Variants in RPS6KA5 observed in about 807,000 individuals in gnomAD.
RPS6KA5 encodes ribosomal protein S6 kinase A5, also known as ribosomal protein S6 kinase alpha-5.
Under a neutral mutation model 85.5 loss-of-function variants are expected in RPS6KA5, and 27 were observed. That is an observed-to-expected ratio of 0.32 (90% CI 0.23 to 0.44). RPS6KA5 has a LOEUF of 0.44. Among genes scored for constraint, RPS6KA5 ranks in the 20% least tolerant of loss-of-function variants. RPS6KA5 has a pLI of 1.00. For synonymous variants in RPS6KA5, 334 were observed against 348.2 expected, an observed-to-expected ratio of 0.96 and a Z score of 0.46; for missense variants, 811 against 980.9, an observed-to-expected ratio of 0.83 and a Z score of 2.31.
At position 90,872,239 on chromosome 14, in the gene RPS6KA5, C is replaced by T. The variant is rs764476146; in HGVS notation, c.2244G>A (p.Lys748=). 1.9e-6 allele frequency: 3 copies of T among 1,613,864 alleles called. No individual in the cohort carries two copies. The highest frequency in any genetic ancestry group is 4.5e-5 in the East Asian group (2 of 44,866). The stretch of plus-strand genomic sequence containing the variant: ...TGCGCGTCTCGGTACTGGTGCTAGT[C>T]TTTTTCATTTTTCTTCTCTTAGCCA... ...APLAKRRKMK[K]TSTSTETRSS... is the part of the protein sequence containing the mutation. The change falls in exon 17 of 17, where the codon AAG becomes AAA. Residue 748 remains lysine, a synonymous_variant. Transcript: ENST00000614987.
intron 3 of RPS6KA5, among the ~76,000 whole-genome samples, chr14:90,951,118 C>CAA (rs57389099): frequency 0.022 from 1,813 of 84,320 alleles, 80 homozygotes; most frequent in South Asian, 0.036. Flanking sequence ...GACTCAGTCT[C>CAA]AAAAAAAAAA....
intron 2 of RPS6KA5, among the ~76,000 whole-genome samples, chr14:90,997,995 G>A (rs2040603032): frequency 3.2e-5 from 4 of 123,348 alleles, no homozygotes; most frequent in South Asian, 5.5e-4. Context: ...GTGGCACAGC[G>A]AGACTCTGTC....
At chr14:90,876,940 C>T (rs2033520225) in intron 14 of RPS6KA5, among the ~76,000 whole-genome samples, 1 of 152,190 alleles carries the variant, frequency 6.6e-6, no homozygotes, top group Non-Finnish European at 1.5e-5. Context: ...TGAAACAGCT[C>T]TTACACACTG....
intron 2 of RPS6KA5, among the ~76,000 whole-genome samples, chr14:90,984,490 G>A (rs1224517425): frequency 2.0e-5 from 3 of 152,238 alleles, no homozygotes; most frequent in Admixed American, 1.3e-4. Flanking sequence ...GACATCTTAT[G>A]AAGGTCGCTT....
At position 90,857,720 on chromosome 14, in the gene RPS6KA5, CT is replaced by C. The variant is rs1262823702; in HGVS notation, c.*14353del. 2 of 152,172 alleles carry C rather than the reference CT, an allele frequency of 1.3e-5. No homozygotes were observed. Among genetic ancestry groups the C allele is most frequent in the African/African-American group, 4.8e-5 (2 of 41,446 alleles). 9.4% of individuals were successfully genotyped at this position (152,172 alleles called of 1,614,324 possible). On this transcript the variant is annotated 3_prime_UTR_variant, in exon 17 of 17. Coordinates refer to ENST00000614987, the MANE Select transcript of RPS6KA5 (RefSeq NM_004755.4). Reference sequence around the variant, plus strand: ...GTAATCATCTAAAAGATTCCAGTCTCTTTTTTCTCACTCCCAACCCCCACAC... The same window carrying C: ...GTAATCATCTAAAAGATTCCAGTCTCTTTTTCTCACTCCCAACCCCCACAC...
At chr14:90,949,156 T>C (rs927698881) in intron 3 of RPS6KA5, among the ~76,000 whole-genome samples, 1 of 152,244 alleles carries the variant, frequency 6.6e-6, no homozygotes, top group Non-Finnish European at 1.5e-5. Context: ...AATGAACTTT[T>C]TTCCTACCTT....
At chr14:90,936,342 G>A (rs2140333697) in intron 5 of RPS6KA5, among the ~76,000 whole-genome samples, 1 of 152,222 alleles carries the variant, frequency 6.6e-6, no homozygotes, top group African/African-American at 2.4e-5. Context: ...CAAGGCAGGT[G>A]GATTTTTTGA....
intron 1 of RPS6KA5, among the ~76,000 whole-genome samples, chr14:91,033,114 G>C (rs535687178): frequency 6.6e-6 from 1 of 151,476 alleles, no homozygotes; most frequent in African/African-American, 2.4e-5. Flanking sequence ...ATGAACCTGG[G>C]AGGTGGAGCT....
At chr14:91,004,010 T>A (rs896427070) in intron 1 of RPS6KA5, among the ~76,000 whole-genome samples, 14 of 152,206 alleles carry the variant, frequency 9.2e-5, no homozygotes, top group Admixed American at 6.5e-4. Context: ...AAGGTTTCAG[T>A]TTGGGGTACA....
In RPS6KA5 at chr14:90,900,226, G is replaced by A; in HGVS notation, c.1261C>T (p.Gln421Ter). The change falls in exon 11 of 17, where the codon CAA becomes TAA. Residue 421 changes from glutamine (Q) to a stop codon, truncating the protein, a stop_gained. Transcript: ENST00000614987. LOFTEE classifies it high-confidence loss of function. The stretch of plus-strand genomic sequence containing the variant: ...TCCTTCAAATCTAGGTCATAGTGTT[G>A]ATAGAATGGAGAGTCCTGTCAAGAA... ...SAMMKDSPFYQHYDLDLKDKP... is the reference protein window; with the variant it reads ...SAMMKDSPFY 1 of 1,589,640 alleles carries A rather than the reference G, an allele frequency of 6.3e-7. No individual in the cohort carries two copies. Among genetic ancestry groups the A allele is most frequent in the Non-Finnish European group, 8.6e-7 (1 of 1,167,512 alleles).
intron 3 of RPS6KA5, among the ~76,000 whole-genome samples, chr14:90,974,210 A>C (rs1380022182): frequency 6.6e-6 from 1 of 152,200 alleles, no homozygotes; most frequent in African/African-American, 2.4e-5. Context: ...GTGATATAAC[A>C]TGAAATACAT....
chr14:90,930,271 G>A (rs2036903807), intron 5 of RPS6KA5, among the ~76,000 whole-genome samples: 1 of 152,186 alleles, frequency 6.6e-6, no homozygotes, highest in South Asian at 2.1e-4. Flanking sequence ...AAGTATGCTT[G>A]GGAACTTAGT....
intron 1 of RPS6KA5, among the ~76,000 whole-genome samples, chr14:91,037,859 C>G (rs945950310): frequency 2.6e-5 from 4 of 152,194 alleles, no homozygotes; most frequent in African/African-American, 9.6e-5. Flanking sequence ...CCTGCAAGAT[C>G]CACCTCCCTA....
At chr14:90,916,934 T>C (rs766041501) in intron 7 of RPS6KA5, among the ~76,000 whole-genome samples, 1 of 152,202 alleles carries the variant, frequency 6.6e-6, no homozygotes, top group Non-Finnish European at 1.5e-5. Context: ...CTTGCCATCA[T>C]AAGAAATATA....
At chr14:91,052,039 CCTTTA>C (rs2043103844) in intron 1 of RPS6KA5, among the ~76,000 whole-genome samples, 1 of 152,042 alleles carries the variant, frequency 6.6e-6, no homozygotes, top group Admixed American at 6.6e-5. Flanking sequence ...CAGTCCATCA[CCTTTA>C]CTTTATGAAT....
At chr14:90,883,311 T>C (rs1341211602) in intron 14 of RPS6KA5, among the ~76,000 whole-genome samples, 2 of 152,142 alleles carry the variant, frequency 1.3e-5, no homozygotes, top group Non-Finnish European at 2.9e-5. Flanking sequence ...TTAGGCTCTG[T>C]TCGCTTTTTT....
At chr14:91,040,218 A>T (rs1180456166) in intron 1 of RPS6KA5, among the ~76,000 whole-genome samples, 1 of 152,156 alleles carries the variant, frequency 6.6e-6, no homozygotes, top group African/African-American at 2.4e-5. Flanking sequence ...ACCAGCCTAG[A>T]ACCAATATGG....
chr14:91,038,653 C>T (rs2042489933), intron 1 of RPS6KA5, among the ~76,000 whole-genome samples: 1 of 152,200 alleles, frequency 6.6e-6, no homozygotes. Flanking sequence ...GACACAGCAG[C>T]TTAGCAATCA....
chr14:90,919,750 G>A (rs1595215452), intron 7 of RPS6KA5, among the ~76,000 whole-genome samples: 1 of 152,058 alleles, frequency 6.6e-6, no homozygotes, highest in African/African-American at 2.4e-5. Flanking sequence ...AGAGAATAAT[G>A]CTCTGAGACC....
Sources: allele counts gnomAD v4.1 joint callset (sites outside exome capture counted in the v4.1 genomes callset), GRCh38; gene constraint gnomAD v4.1.1; transcripts MANE v1.5; gene names NCBI Gene and HGNC (gene_info 2026-07-23, HGNC 2026-07-21).